The following BZW2 variants were observed in gnomAD, a reference collection of about 807,000 sequenced individuals.
BZW2 encodes the protein eIF5-mimic protein 1.
Under a neutral mutation model 53.2 loss-of-function variants are expected in BZW2, and 23 were observed. That is an observed-to-expected ratio of 0.43 (90% CI 0.31 to 0.61). The LOEUF (loss-of-function observed/expected upper bound fraction) is 0.61. Among genes scored for constraint, BZW2 ranks in the 20% least tolerant of loss-of-function variants. The pLI is 0.09. For synonymous variants in BZW2, 227 were observed against 186.4 expected (o/e 1.22, Z -1.77); for missense variants, 409 against 503.1 (o/e 0.81, Z 1.79).
intron 7 of BZW2, among the ~76,000 whole-genome samples, chr7:16,692,936 G>A (rs958892802): frequency 1.3e-5 from 2 of 152,200 alleles, no homozygotes; most frequent in African/African-American, 4.8e-5. Flanking sequence ...CAGGCAAAGG[G>A]AATGGGAAAT....
chr7:16,672,271 A>T (rs565344789), intron 2 of BZW2, among the ~76,000 whole-genome samples: 1 of 152,030 alleles, frequency 6.6e-6, no homozygotes, highest in African/African-American at 2.4e-5. Flanking sequence ...TTGTTTTCTC[A>T]TTCTGTCTAT....
In BZW2 at chr7:16,673,352, A is replaced by T. The variant is rs1384286630; in HGVS notation, c.59-1060A>T. Reference sequence around the variant, plus strand: ...ACCATTTTTATAATGATACCAAGATATTCACGTCTTTCACACATTCTCTCA... The same window carrying T: ...ACCATTTTTATAATGATACCAAGATTTTCACGTCTTTCACACATTCTCTCA... On this transcript the variant is annotated intron_variant, in intron 2 of 11. Transcript: ENST00000258761. Among the ~76,000 whole-genome samples, 4 of 152,192 alleles carry T rather than the reference A, an allele frequency of 2.6e-5. No homozygotes were observed. In the East Asian group the frequency reaches 7.7e-4, roughly 29 times the overall value.
At chr7:16,696,862 T>C in intron 8 of BZW2, 53 bp from the exon 9 acceptor site, 3 of 1,596,616 alleles carry the variant, frequency 1.9e-6, no homozygotes, top group Non-Finnish European at 2.6e-6. Context: ...AGCGGGGAGA[T>C]GGGAGCCCTC....
chr7:16,649,724 G>C (rs990728971), intron 1 of BZW2, among the ~76,000 whole-genome samples: 13 of 151,970 alleles, frequency 8.6e-5, no homozygotes, highest in Non-Finnish European at 1.9e-4. Context: ...AGTAGATTAC[G>C]GTTATATTTT....
In BZW2 at chr7:16,674,395, G is replaced by T; in HGVS notation, c.59-17G>T. 1 of 1,534,684 alleles carries T rather than the reference G, an allele frequency of 6.5e-7. No individual in the cohort carries two copies. On this transcript the variant is annotated splice_polypyrimidine_tract_variant and intron_variant, in intron 2 of 11. Transcript: ENST00000258761. ...TATTTATTTATTTGACTGTTATTTT[G>T]AATTGTTTTATTTTAGATGAAAAAG... is the stretch of plus-strand genomic sequence containing the variant.
At chr7:16,669,151 A>G (rs1386394174) in intron 2 of BZW2, among the ~76,000 whole-genome samples, 2 of 152,230 alleles carry the variant, frequency 1.3e-5, no homozygotes, top group Admixed American at 6.5e-5. Context: ...TGTTGGAGAC[A>G]GTCTCACTCT....
chr7:16,698,315 A>G lies in BZW2; in HGVS notation c.1108+129A>G. 4 of 1,297,800 alleles carry G rather than the reference A, an allele frequency of 3.1e-6. No individual in the cohort carries two copies. In the South Asian group the frequency reaches 5.4e-5, roughly 18 times the overall value. The allele number at this position is 1,297,800 out of a possible 1,614,324, so 80.4% of individuals were successfully genotyped here. ...AGGGACAGCAAGATGCTAATTTGTG[A>G]AAGTTTTATTGAGGCAACCATACCA... On this transcript the variant is annotated intron_variant, in intron 10 of 11. Coordinates refer to ENST00000258761, the MANE Select transcript of BZW2 (RefSeq NM_014038.3).
intron 3 of BZW2, among the ~76,000 whole-genome samples, chr7:16,676,497 G>A (rs1011384945): frequency 2.0e-5 from 3 of 150,990 alleles, no homozygotes; most frequent in African/African-American, 4.9e-5. Flanking sequence ...GCAGTGAGCC[G>A]AGATCACACC....
intron 1 of BZW2, among the ~76,000 whole-genome samples, chr7:16,649,091 C>A (rs932757097): frequency 2.0e-5 from 3 of 152,178 alleles, no homozygotes; most frequent in South Asian, 2.1e-4. Flanking sequence ...TTTTACCGCC[C>A]CCCTAAATTG....
Position 16,660,130 on chromosome 7 carries a change from G to T in BZW2, c.-7-5307G>T, listed in dbSNP as rs375362881. On this transcript the variant is annotated intron_variant, in intron 1 of 11. Transcript: ENST00000258761. ...AGTTTGCTGAGAATGATGGTTTCCA[G>T]CTTCATCCATGTCCCTACAAAGGAC... 1.1e-4 allele frequency among the ~76,000 whole-genome samples: 17 copies of T among 151,826 alleles called. 1 individual carries two copies. In the East Asian group the frequency reaches 2.3e-3, roughly 21 times the overall value.
chr7:16,699,325 A>C (rs368085251), intron 10 of BZW2, among the ~76,000 whole-genome samples: 45 of 152,292 alleles, frequency 3.0e-4, no homozygotes, highest in African/African-American at 9.4e-4. Flanking sequence ...CCACCCAATG[A>C]TACCCAAAGT....
intron 3 of BZW2, among the ~76,000 whole-genome samples, chr7:16,677,866 G>C (rs909312785): frequency 6.6e-5 from 10 of 152,020 alleles, no homozygotes; most frequent in African/African-American, 2.4e-4. Context: ...CCATTGGTTA[G>C]TGCAGCCCAG....
chr7:16,694,857 G>A lies in BZW2; in HGVS notation c.675G>A (p.Gln225=). The A allele has an allele frequency of 6.5e-7, 1 of 1,537,358 alleles. No homozygotes were observed. The highest frequency in any genetic ancestry group is 8.9e-7 in the Non-Finnish European group (1 of 1,123,890). ...RLLELFPVNR[Q]SVDHFAKYFT... is the part of the protein sequence containing the mutation. ...AGGAACTCTTTCCAGTTAACAGACAGAGTGTGGATCATTTTGCTAAATACT... is the reference window on the plus strand; with the variant it reads ...AGGAACTCTTTCCAGTTAACAGACAAAGTGTGGATCATTTTGCTAAATACT... Residue 225 remains glutamine (Q), a synonymous_variant, in exon 8 of 12, where the codon CAG becomes CAA. Coordinates refer to ENST00000258761, the MANE Select transcript of BZW2 (RefSeq NM_014038.3).
At chr7:16,651,076 C>G (rs1404180589) in intron 1 of BZW2, among the ~76,000 whole-genome samples, 1 of 152,032 alleles carries the variant, frequency 6.6e-6, no homozygotes, top group Non-Finnish European at 1.5e-5. Context: ...GAATAATGCC[C>G]TGTATTAATA....
chr7:16,699,548 T>C (rs1005395053), intron 10 of BZW2, among the ~76,000 whole-genome samples: 2 of 152,226 alleles, frequency 1.3e-5, no homozygotes, highest in Non-Finnish European at 2.9e-5. Flanking sequence ...GTAAACTAGT[T>C]AGTTACCTGA....
chr7:16,658,282 A>T (rs1403140630), intron 1 of BZW2, among the ~76,000 whole-genome samples: 1 of 152,206 alleles, frequency 6.6e-6, no homozygotes. Context: ...AAAGTTTTTG[A>T]AAATAGCTTC....
chr7:16,690,546 T>TA (rs1284197535), intron 7 of BZW2, among the ~76,000 whole-genome samples: 3 of 152,178 alleles, frequency 2.0e-5, no homozygotes, highest in African/African-American at 7.2e-5. Context: ...TTTAATATGA[T>TA]AAAAATTTCA....
intron 2 of BZW2, among the ~76,000 whole-genome samples, 184 bp from the exon 3 acceptor site, chr7:16,674,228 C>G (rs1233642787): frequency 6.6e-6 from 1 of 152,158 alleles, no homozygotes; most frequent in Admixed American, 6.5e-5. Context: ...AAGAGACATC[C>G]CTTCTTATTC....
intron 1 of BZW2, among the ~76,000 whole-genome samples, chr7:16,662,745 T>A (rs918882699): frequency 6.6e-6 from 1 of 151,630 alleles, no homozygotes; most frequent in African/African-American, 2.4e-5. Flanking sequence ...AGTAACACCC[T>A]CATCTCTAAG....
Sources: allele counts gnomAD v4.1 joint callset (sites outside exome capture counted in the v4.1 genomes callset), GRCh38; gene constraint gnomAD v4.1.1; transcripts MANE v1.5; gene names NCBI Gene and HGNC (gene_info 2026-07-23, HGNC 2026-07-21).